PRKG1: variants seen among roughly 807,000 people sequenced by gnomAD.
The protein encoded by PRKG1 is protein kinase cGMP-dependent 1.
In PRKG1, 35 loss-of-function variants were observed where a neutral mutation model predicts 88.1. That is an observed-to-expected ratio of 0.40 (90% confidence interval 0.30 to 0.53). The LOEUF (loss-of-function observed/expected upper bound fraction) is 0.53, where lower values mean the gene tolerates loss of function less well. PRKG1 is among the 20% of genes least tolerant of loss of function. PRKG1 has a pLI of 0.59. For missense variants in PRKG1, 540 were observed against 839.8 expected (o/e 0.64, Z 4.41); for synonymous variants, 303 against 292.5 (o/e 1.04, Z -0.37).
At chr10:52,229,496 G>A (rs1840473154) in intron 9 of PRKG1, among the ~76,000 whole-genome samples, 1 of 152,200 alleles carries the variant, frequency 6.6e-6, no homozygotes, top group South Asian at 2.1e-4. Flanking sequence ...GAAAATGGAA[G>A]AGGGGTCTAT....
chr10:52,002,510 A>G (rs1307627743), intron 5 of PRKG1, among the ~76,000 whole-genome samples: 1 of 152,082 alleles, frequency 6.6e-6, no homozygotes, highest in Non-Finnish European at 1.5e-5. Context: ...GATCCACTCA[A>G]TGGCACTGTG....
chr10:52,061,932 G>C (rs931355817), intron 6 of PRKG1, among the ~76,000 whole-genome samples: 1 of 151,844 alleles, frequency 6.6e-6, no homozygotes, highest in Non-Finnish European at 1.5e-5. Flanking sequence ...GCATATGGAG[G>C]CATTTAGAAG....
rs190587341 is a variant in PRKG1 at position 51,852,343 on chromosome 10, C to A, written c.698+47653C>A. ...GTGTATATATATACATATACACACA[C>A]ACACATACATAGATATACACACACA... is the stretch of plus-strand genomic sequence containing the variant. On this transcript the variant is annotated intron_variant, in intron 4 of 17. Coordinates refer to ENST00000373980, the MANE Select transcript of PRKG1 (RefSeq NM_006258.4). 5.9e-3 allele frequency among the ~76,000 whole-genome samples: 892 copies of A among 150,974 alleles called. 13 individuals carry two copies. The highest frequency in any genetic ancestry group is 0.021 in the African/African-American group (870 of 41,030).
In PRKG1 at chr10:51,965,704, C is replaced by A. The variant is rs560699067; in HGVS notation, c.762+58134C>A. Among the ~76,000 whole-genome samples the A allele has an allele frequency of 5.3e-5, 8 of 152,206 alleles. No homozygotes were observed. In the South Asian group the frequency reaches 6.2e-4, roughly 12 times the overall value. ...CACCAGGCAGTAACAGTAAAAATATCTGGATGAAAGTATTTACAAATTCCA... is the reference window on the plus strand; with the variant it reads ...CACCAGGCAGTAACAGTAAAAATATATGGATGAAAGTATTTACAAATTCCA... On this transcript the variant is annotated intron_variant, in intron 5 of 17. Coordinates refer to ENST00000373980, the MANE Select transcript of PRKG1 (RefSeq NM_006258.4).
intron 1 of PRKG1, among the ~76,000 whole-genome samples, chr10:51,023,245 T>C (rs930419925): frequency 6.6e-6 from 1 of 152,208 alleles, no homozygotes; most frequent in African/African-American, 2.4e-5. Context: ...CCCTAATAGT[T>C]CAAACACTTT....
In PRKG1 at chr10:52,241,285, T is replaced by C. The variant is rs566388907; in HGVS notation, c.1077-10285T>C. Among the ~76,000 whole-genome samples, 33 of 152,260 alleles carry C rather than the reference T, an allele frequency of 2.2e-4. 1 individual carries two copies. The highest frequency in any genetic ancestry group is 6.7e-4 in the African/African-American group (28 of 41,556). On this transcript the variant is annotated intron_variant, in intron 9 of 17. Transcript: ENST00000373980. ...GAGGACAGGATTGGGAAGGGGACGA[T>C]TGAGTAGCAAAAAGAGAAACTACAG... is the stretch of plus-strand genomic sequence containing the variant.
At chr10:51,573,941 T>C (rs1278294520) in intron 3 of PRKG1, among the ~76,000 whole-genome samples, 2 of 151,888 alleles carry the variant, frequency 1.3e-5, no homozygotes, top group South Asian at 2.1e-4. Context: ...TTCTCTTGAA[T>C]AGAAATAGAC....
intron 1 of PRKG1, among the ~76,000 whole-genome samples, chr10:51,049,810 T>G (rs994438516): frequency 6.6e-6 from 1 of 152,208 alleles, no homozygotes; most frequent in Non-Finnish European, 1.5e-5. Context: ...TTCAATATAT[T>G]TAAGGTTTTA....
chr10:51,715,427 A>G (rs1189587002), intron 3 of PRKG1, among the ~76,000 whole-genome samples: 3 of 152,138 alleles, frequency 2.0e-5, no homozygotes, highest in Non-Finnish European at 2.9e-5. Flanking sequence ...TGGAATCTGC[A>G]TTTGGAATGA....
chr10:51,131,148 G>C (rs148936773), intron 1 of PRKG1, among the ~76,000 whole-genome samples: 2 of 151,978 alleles, frequency 1.3e-5, no homozygotes, highest in Admixed American at 1.3e-4. Flanking sequence ...GGCACGTTTT[G>C]GTTTGATTTC....
chr10:52,177,601 G>T, intron 9 of PRKG1, among the ~76,000 whole-genome samples: 1 of 152,020 alleles, frequency 6.6e-6, no homozygotes, highest in South Asian at 2.1e-4. Context: ...ATGTTTGGTG[G>T]AATTCAGTGA....
At chr10:51,725,559 T>C (rs1589235043) in intron 3 of PRKG1, among the ~76,000 whole-genome samples, 2 of 151,780 alleles carry the variant, frequency 1.3e-5, no homozygotes, top group East Asian at 1.9e-4. Context: ...GCACAGAAGA[T>C]GGGAAGATTC....
chr10:51,605,056 G>A lies in PRKG1; in HGVS notation c.592+137220G>A, dbSNP rs145832965. On this transcript the variant is annotated intron_variant, in intron 3 of 17. Transcript: ENST00000373980. Reference sequence around the variant, plus strand: ...TGGGAGCCAGAAGAGGGGATGGAATGGGAAGGTGGTCCTCCCCTGGAGTCG... The same window carrying A: ...TGGGAGCCAGAAGAGGGGATGGAATAGGAAGGTGGTCCTCCCCTGGAGTCG... Among the ~76,000 whole-genome samples, 262 of 152,270 alleles carry A rather than the reference G, an allele frequency of 1.7e-3. 1 individual carries two copies. The highest frequency in any genetic ancestry group is 6.1e-3 in the African/African-American group (252 of 41,552).
At chr10:51,501,189 T>C (rs1841014442) in intron 3 of PRKG1, among the ~76,000 whole-genome samples, 1 of 152,160 alleles carries the variant, frequency 6.6e-6, no homozygotes, top group African/African-American at 2.4e-5. Context: ...TTTGCCTAAA[T>C]TTCTGTGGTT....
chr10:52,020,221 GTTC>G (rs1214088819), intron 5 of PRKG1, among the ~76,000 whole-genome samples: 1 of 151,892 alleles, frequency 6.6e-6, no homozygotes, highest in Non-Finnish European at 1.5e-5. Flanking sequence ...ATTTTATATT[GTTC>G]TTATTTCTTG....
At chr10:52,143,157 A>G (rs1162030897) in intron 8 of PRKG1, among the ~76,000 whole-genome samples, 1 of 152,170 alleles carries the variant, frequency 6.6e-6, no homozygotes, top group Non-Finnish European at 1.5e-5. Context: ...AGGAGTATTC[A>G]CTAACACTAC....
chr10:51,699,244 C>CT, intron 3 of PRKG1: 2 of 1,614,116 alleles, frequency 1.2e-6, no homozygotes, highest in Non-Finnish European at 8.5e-7. Context: ...GCCCAAGGCT[C>CT]TTTAACTCCT....
At chr10:51,673,621 T>C (rs1002719994) in intron 3 of PRKG1, among the ~76,000 whole-genome samples, 57 of 152,362 alleles carry the variant, frequency 3.7e-4, no homozygotes, top group African/African-American at 1.3e-3. Context: ...GTAATTTTCA[T>C]TTCTCATCTT....
At chr10:51,779,171 C>T (rs1452661100) in intron 3 of PRKG1, among the ~76,000 whole-genome samples, 1 of 152,144 alleles carries the variant, frequency 6.6e-6, no homozygotes, top group Non-Finnish European at 1.5e-5. Context: ...ATTCATTAGG[C>T]ATGTACAATG....
Sources: gnomAD v4.1 joint callset for allele counts (sites outside exome capture counted in the v4.1 genomes callset) on GRCh38, gnomAD v4.1.1 for gene constraint, MANE v1.5 for transcripts, NCBI Gene and HGNC (gene_info 2026-07-23, HGNC 2026-07-21) for gene names.